Variants in CAPS2 observed in about 807,000 individuals in gnomAD.
CAPS2 encodes calcyphosin-2.
CAPS2 carries 98 observed loss-of-function variants against 86.5 expected under a neutral mutation model. The observed-to-expected ratio is 1.13, with a 90% confidence interval of 0.96 to 1.34. The LOEUF is 1.34. CAPS2 is among the 40% of genes most tolerant of loss of function. The pLI is 0.00. For synonymous variants in CAPS2, 210 were observed against 225.1 expected (o/e 0.93, Z 0.60); for missense variants, 729 against 686.8 (o/e 1.06, Z -0.69).
intron 6 of CAPS2, among the ~76,000 whole-genome samples, chr12:75,315,459 T>C (rs2039660069): frequency 2.0e-5 from 3 of 152,138 alleles, no homozygotes; most frequent in African/African-American, 7.2e-5. Flanking sequence ...CTCACAAATT[T>C]GCAACTTGGG....
chr12:75,327,629 C>T (rs773900118), upstream of CAPS2, among the ~76,000 whole-genome samples: 2 of 151,726 alleles, frequency 1.3e-5, no homozygotes, highest in African/African-American at 4.8e-5. Flanking sequence ...GACAGACATA[C>T]ATTGTAATCC....
At chr12:75,338,520 A>AT (rs1377417169) in intron 1 of CAPS2, among the ~76,000 whole-genome samples, 5 of 151,182 alleles carry the variant, frequency 3.3e-5, no homozygotes, top group African/African-American at 9.7e-5. Flanking sequence ...TTTTTTTTCC[A>AT]TTTTTTCCTG....
chr12:75,345,927 G>A (rs2042413546), intron 1 of CAPS2, among the ~76,000 whole-genome samples: 1 of 152,138 alleles, frequency 6.6e-6, no homozygotes, highest in South Asian at 2.1e-4. Context: ...TACACACAAG[G>A]TTAAGTAATT....
rs769551444 is a variant in CAPS2 at position 75,343,725 on chromosome 12, A to G, written c.-394-20503T>C. On this transcript the variant is annotated intron_variant, in intron 1 of 5. Transcript: ENST00000551829. ...ATAAAGGTTTAGCAAAGATGGCTAA[A>G]GCATGGGCAAACCAGTGCAAATTTG... 43 of 1,612,026 alleles carry G rather than the reference A, an allele frequency of 2.7e-5. No homozygotes were observed. The Admixed American group carries it at 5.3e-4, about 20-fold the overall frequency.
In CAPS2 at chr12:75,354,166, A is replaced by AGG. The variant is rs35360428; in HGVS notation, c.-394-30946_-394-30945dup. Among the ~76,000 whole-genome samples, 1,016 of 122,872 alleles carry AGG rather than the reference A, an allele frequency of 8.3e-3. 10 individuals carry two copies. The highest frequency in any genetic ancestry group is 0.012 in the Middle Eastern group (3 of 248). 80.6% of individuals were successfully genotyped at this position (122,872 alleles called of 152,430 possible). On this transcript the variant is annotated intron_variant, in intron 1 of 5. Coordinates refer to the CAPS2 transcript ENST00000551829. ...AGAGCAATCAGGGAAGAGAAAAAAA[A>AGG]GGGGGGGGGGTATTCAAATAGGAAA...
chr12:75,299,881 AT>A lies in CAPS2; in HGVS notation c.809del (p.Asn270MetfsTer83). ...CAAACTGTAATTTATGAGAAAGCAC[AT>A]TTTCAGTTAATGTAGAATGAGTTCT... On this transcript the variant is annotated frameshift_variant, in exon 9 of 17. Transcript: ENST00000393284. LOFTEE classifies it high-confidence loss of function. 1 of 1,530,748 alleles carries A rather than the reference AT, an allele frequency of 6.5e-7. No homozygotes were observed. The highest frequency in any genetic ancestry group is 1.7e-4 in the Middle Eastern group (1 of 5,872). 94.8% of individuals were successfully genotyped at this position (1,530,748 alleles called of 1,614,324 possible).
At chr12:75,311,708 A>G (rs2039216008) in intron 7 of CAPS2, among the ~76,000 whole-genome samples, 1 of 26,574 alleles carries the variant, frequency 3.8e-5, no homozygotes, top group South Asian at 8.5e-4. Flanking sequence ...AGGAAAAAAA[A>G]AAACAAAAAA....
At chr12:75,372,305 G>A (rs559236971) in intron 1 of CAPS2, among the ~76,000 whole-genome samples, 41 of 152,178 alleles carry the variant, frequency 2.7e-4, no homozygotes, top group Middle Eastern at 3.4e-3. Context: ...GAGCCACCAC[G>A]CCCAACCTGA....
intron 11 of CAPS2, among the ~76,000 whole-genome samples, chr12:75,296,911 G>C (rs909547680): frequency 6.6e-6 from 1 of 152,144 alleles, no homozygotes; most frequent in African/African-American, 2.4e-5. Context: ...TTAAAAGTAG[G>C]GATATCTAAT....
At chr12:75,377,879 A>G (rs1485990819) in intron 1 of CAPS2, among the ~76,000 whole-genome samples, 3 of 150,202 alleles carry the variant, frequency 2.0e-5, no homozygotes, top group Non-Finnish European at 4.4e-5. Flanking sequence ...GTGTGTGTCT[A>G]TATATATATA....
At chr12:75,310,846 T>G (rs1285705225) in intron 7 of CAPS2, among the ~76,000 whole-genome samples, 5 of 152,100 alleles carry the variant, frequency 3.3e-5, no homozygotes, top group Non-Finnish European at 7.3e-5. Flanking sequence ...CCAAGCAGTG[T>G]TCTTCTCTCA....
At chr12:75,334,354 C>A, upstream of CAPS2, 1 of 419,816 alleles carries the variant, frequency 2.4e-6, no homozygotes, top group Non-Finnish European at 3.3e-6. Flanking sequence ...CTCGACTGGC[C>A]CATTGTCAGC....
intron 4 of CAPS2, chr12:75,322,842 A>G (rs1178184848): frequency 3.4e-6 from 2 of 584,200 alleles, no homozygotes; most frequent in Non-Finnish European, 6.0e-6. Flanking sequence ...TAAAACAAGT[A>G]AAAATTATTT....
At chr12:75,384,966 C>T (rs1429351863) in intron 1 of CAPS2, among the ~76,000 whole-genome samples, 1 of 152,142 alleles carries the variant, frequency 6.6e-6, no homozygotes, top group Non-Finnish European at 1.5e-5. Context: ...CCAATACATT[C>T]ATAGATTAAT....
At chr12:75,299,100 C>T (rs2037387840) in intron 9 of CAPS2, 134 bp from the exon 10 acceptor site, 3 of 552,720 alleles carry the variant, frequency 5.4e-6, no homozygotes, top group Non-Finnish European at 6.1e-6. Context: ...TTATGGGAAA[C>T]TGTAGGGAAA....
chr12:75,293,635 G>C (rs1348230573), intron 11 of CAPS2, among the ~76,000 whole-genome samples: 3 of 152,040 alleles, frequency 2.0e-5, no homozygotes, highest in African/African-American at 7.2e-5. Flanking sequence ...ATGAGAATGA[G>C]AGGAAAAAAG....
intron 1 of CAPS2, among the ~76,000 whole-genome samples, chr12:75,344,942 G>A (rs1192999262): frequency 6.6e-6 from 1 of 152,130 alleles, no homozygotes; most frequent in African/African-American, 2.4e-5. Context: ...TGGAAAGTGA[G>A]AATAGGTCCA....
upstream of CAPS2, among the ~76,000 whole-genome samples, chr12:75,333,541 T>C (rs918581997): frequency 6.6e-6 from 1 of 152,204 alleles, no homozygotes; most frequent in Non-Finnish European, 1.5e-5. Flanking sequence ...AAGTAGTATA[T>C]ACAGCAATTC....
exon 6 of CAPS2, chr12:75,316,423 A>G (rs1460511094): frequency 6.5e-7 from 1 of 1,548,564 alleles, no homozygotes; most frequent in Non-Finnish European, 8.7e-7. Flanking sequence ...TGGCTTCTTC[A>G]TCTTGCACAC....
Sources: allele counts gnomAD v4.1 joint callset (sites outside exome capture counted in the v4.1 genomes callset), GRCh38; gene constraint gnomAD v4.1.1; transcripts MANE v1.5; gene names NCBI Gene and HGNC (gene_info 2026-07-23, HGNC 2026-07-21).